The following KCTD16 variants were observed in gnomAD, a reference collection of about 807,000 sequenced individuals.
KCTD16 encodes BTB/POZ domain-containing protein KCTD16.
In KCTD16, 13 loss-of-function variants were observed where a neutral mutation model predicts 33.2. That is an observed-to-expected ratio of 0.39 (90% CI 0.25 to 0.62). The LOEUF is 0.62. KCTD16 is among the 20% of genes least tolerant of loss of function. The pLI is 0.50. For missense variants in KCTD16, 441 were observed against 525.1 expected (o/e 0.84, Z 1.57); for synonymous variants, 197 against 195.3 (o/e 1.01, Z -0.07).
chr5:144,319,187 A>T (rs1189816700), intron 3 of KCTD16, among the ~76,000 whole-genome samples: 2 of 152,114 alleles, frequency 1.3e-5, no homozygotes, highest in Admixed American at 6.5e-5. Flanking sequence ...TTTTTCCAGA[A>T]GTTTTACATG....
At chr5:144,191,468 AT>A (rs57036875) in intron 2 of KCTD16, among the ~76,000 whole-genome samples, 52,055 of 151,724 alleles carry the variant, frequency 0.34, 9,734 homozygotes, top group South Asian at 0.46. Flanking sequence ...TTACACACAT[AT>A]TTTTTCAACC....
intron 3 of KCTD16, among the ~76,000 whole-genome samples, chr5:144,342,826 A>G (rs1439952095): frequency 6.6e-6 from 1 of 152,168 alleles, no homozygotes; most frequent in Non-Finnish European, 1.5e-5. Flanking sequence ...TTCTGCATCT[A>G]TTGAGATAAT....
chr5:144,385,339 C>T (rs1752300591), intron 3 of KCTD16: 1 of 152,128 alleles, frequency 6.6e-6, no homozygotes, highest in Non-Finnish European at 1.5e-5. Flanking sequence ...AAGAACATGA[C>T]ATATGCATTT....
At chr5:144,304,368 A>G (rs997453066) in intron 3 of KCTD16, among the ~76,000 whole-genome samples, 1 of 152,064 alleles carries the variant, frequency 6.6e-6, no homozygotes, top group African/African-American at 2.4e-5. Flanking sequence ...CTCTCATTCC[A>G]GGGGAGTCCA....
chr5:144,316,829 T>TCC (rs1751930141), intron 3 of KCTD16, among the ~76,000 whole-genome samples: 1 of 142,012 alleles, frequency 7.0e-6, no homozygotes, highest in African/African-American at 2.7e-5. Context: ...AGCATCCCTT[T>TCC]TTTTTTTTTT....
intron 3 of KCTD16, among the ~76,000 whole-genome samples, chr5:144,267,299 C>T (rs1251708248): frequency 6.6e-6 from 1 of 152,092 alleles, no homozygotes; most frequent in Admixed American, 6.5e-5. Flanking sequence ...ACCTCAGTTT[C>T]CTTGCTTATT....
At position 144,209,828 on chromosome 5, in the gene KCTD16, A is replaced by ATATATATATATT. The variant is rs1561530185; in HGVS notation, c.832+2288_832+2299dup. On this transcript the variant is annotated intron_variant, in intron 3 of 3. Coordinates refer to ENST00000512467, the MANE Select transcript of KCTD16 (RefSeq NM_020768.4). ...TATTTATATGTGTGTATATATATAA[A>ATATATATATATT]TATATATATATTTATATGTGTATAT... 3.4e-4 allele frequency among the ~76,000 whole-genome samples: 50 copies of ATATATATATATT among 146,124 alleles called. 1 individual carries two copies. The highest frequency in any genetic ancestry group is 1.2e-3 in the African/African-American group (50 of 40,014).
chr5:144,207,600 T>C (rs748918271), intron 3 of KCTD16, 54 bp downstream of exon 3: 21 of 1,278,940 alleles, frequency 1.6e-5, no homozygotes, highest in Non-Finnish European at 2.3e-5. Context: ...TCTTCACAAA[T>C]GTATATGGTC....
intron 3 of KCTD16, among the ~76,000 whole-genome samples, chr5:144,336,523 CT>C (rs1024020089): frequency 2.0e-5 from 3 of 152,202 alleles, no homozygotes; most frequent in African/African-American, 7.2e-5. Context: ...CTCTTTGCCC[CT>C]GGTCCCATGC....
chr5:144,205,455 G>GC (rs1411500748), intron 2 of KCTD16: 2 of 398,680 alleles, frequency 5.0e-6, no homozygotes, highest in Non-Finnish European at 8.8e-6. Flanking sequence ...GGAGCCCCGG[G>GC]CCCCCCGCCG....
At chr5:144,270,222 A>G (rs2126846150) in intron 3 of KCTD16, among the ~76,000 whole-genome samples, 1 of 152,124 alleles carries the variant, frequency 6.6e-6, no homozygotes, top group East Asian at 1.9e-4. Flanking sequence ...AGATCCAAAT[A>G]CAACAGCATA....
rs891801599 is a variant in KCTD16 at position 144,288,221 on chromosome 5, A to G, written c.832+80675A>G. Among the ~76,000 whole-genome samples the G allele has an allele frequency of 2.6e-5, 4 of 152,226 alleles. No homozygotes were observed. In the South Asian group the frequency reaches 8.3e-4, roughly 32 times the overall value. Reference sequence around the variant, plus strand: ...AAAGAATCTGGGCTTGGGGACAGAAAAGAGTGGCTTAAATTCTGATCGTGC... The same window carrying G: ...AAAGAATCTGGGCTTGGGGACAGAAGAGAGTGGCTTAAATTCTGATCGTGC... On this transcript the variant is annotated intron_variant, in intron 3 of 3. Transcript: ENST00000512467.
chr5:144,330,348 G>C (rs535647336), intron 3 of KCTD16, among the ~76,000 whole-genome samples: 1 of 150,188 alleles, frequency 6.7e-6, no homozygotes, highest in African/African-American at 2.5e-5. Context: ...GGGAGGCAGA[G>C]GTTGCGGTGA....
chr5:144,444,542 T>G (rs1177162939), intron 3 of KCTD16, among the ~76,000 whole-genome samples: 1 of 152,032 alleles, frequency 6.6e-6, no homozygotes, highest in Non-Finnish European at 1.5e-5. Flanking sequence ...TAATGTTTTT[T>G]TTAAAAGATG....
chr5:144,228,415 AG>A (rs1260362999), intron 3 of KCTD16, among the ~76,000 whole-genome samples: 1 of 152,236 alleles, frequency 6.6e-6, no homozygotes, highest in African/African-American at 2.4e-5. Context: ...ACCAATGTGG[AG>A]GTCATTGATA....
chr5:144,253,821 C>T lies in KCTD16; in HGVS notation c.832+46275C>T, dbSNP rs528960477. Among the ~76,000 whole-genome samples the T allele has an allele frequency of 1.4e-4, 22 of 152,242 alleles. No individual in the cohort carries two copies. The South Asian group carries it at 3.9e-3, about 27-fold the overall frequency. On this transcript the variant is annotated intron_variant, in intron 3 of 3. Transcript: ENST00000512467. ...ATGCCTCCAAAAGAGAGAAAAAATA[C>T]ATATACCTAGACCAAATTAAGTGCT... is the stretch of plus-strand genomic sequence containing the variant.
At chr5:144,298,797 C>T (rs141250032) in intron 3 of KCTD16, among the ~76,000 whole-genome samples, 123 of 151,832 alleles carry the variant, frequency 8.1e-4, no homozygotes, top group African/African-American at 2.5e-3. Flanking sequence ...GAAGTCCTCT[C>T]ATCATCACAA....
chr5:144,379,890 A>G lies in KCTD16; in HGVS notation c.833-93770A>G, dbSNP rs180906448. 3.0e-4 allele frequency among the ~76,000 whole-genome samples: 46 copies of G among 152,286 alleles called. 1 individual carries two copies. In the East Asian group the frequency reaches 7.3e-3, roughly 24 times the overall value. The stretch of plus-strand genomic sequence containing the variant: ...AAATAAAAGAATAAACCAAACATCC[A>G]TGTATTTCCAACACTTACATGTATT... On this transcript the variant is annotated intron_variant, in intron 3 of 3. Transcript: ENST00000512467.
At chr5:144,324,772 G>A (rs1399238235) in intron 3 of KCTD16, among the ~76,000 whole-genome samples, 1 of 152,230 alleles carries the variant, frequency 6.6e-6, no homozygotes, top group Non-Finnish European at 1.5e-5. Flanking sequence ...CATATCCTTT[G>A]CAGGGACATG....
Sources: allele counts gnomAD v4.1 joint callset (sites outside exome capture counted in the v4.1 genomes callset), GRCh38; gene constraint gnomAD v4.1.1; transcripts MANE v1.5; gene names NCBI Gene and HGNC (gene_info 2026-07-23, HGNC 2026-07-21).